Variants in GRM8 observed in about 807,000 individuals in gnomAD.
GRM8 encodes glutamate metabotropic receptor 8, also known as metabotropic glutamate receptor 8.
A neutral mutation model predicts 87.2 loss-of-function variants in GRM8; 47 were observed. The observed-to-expected ratio is 0.54, with a 90% CI of 0.43 to 0.69. The LOEUF (loss-of-function observed/expected upper bound fraction) is 0.69. GRM8 is among the 30% of genes least tolerant of loss of function. The pLI is 0.00. For missense variants in GRM8, 1,019 were observed against 1,139.2 expected (o/e 0.89, Z 1.52); for synonymous variants, 396 against 404.5 (o/e 0.98, Z 0.25).
intron 7 of GRM8, among the ~76,000 whole-genome samples, chr7:126,706,385 G>A (rs953347932): frequency 1.3e-5 from 2 of 152,096 alleles, no homozygotes; most frequent in African/African-American, 4.8e-5. Context: ...CAGTAAGTTT[G>A]AGTCTCAGGA....
chr7:126,802,167 G>T (rs898652948), intron 6 of GRM8, among the ~76,000 whole-genome samples: 1 of 152,166 alleles, frequency 6.6e-6, no homozygotes, highest in African/African-American at 2.4e-5. Flanking sequence ...CCTCACATAT[G>T]TATGTCTTTT....
At chr7:126,758,859 A>AT (rs1563158855) in intron 7 of GRM8, among the ~76,000 whole-genome samples, 3 of 151,810 alleles carry the variant, frequency 2.0e-5, no homozygotes, top group African/African-American at 7.3e-5. Context: ...ATTTAAAGGA[A>AT]TTTTTTCATT....
At chr7:127,071,426 C>T (rs886433212) in intron 3 of GRM8, among the ~76,000 whole-genome samples, 2 of 152,208 alleles carry the variant, frequency 1.3e-5, no homozygotes, top group African/African-American at 4.8e-5. Flanking sequence ...AAGACCACCT[C>T]ACCCTGCCTT....
intron 2 of GRM8, among the ~76,000 whole-genome samples, chr7:127,208,500 G>A (rs895480723): frequency 6.6e-6 from 1 of 152,162 alleles, no homozygotes; most frequent in African/African-American, 2.4e-5. Context: ...AAGATCTTGT[G>A]ATTTTTCCAT....
rs558767306 is a variant in GRM8, at chr7:127,003,754, G to C, written c.728-99071C>G. ...TTTGAAAATGACCAATCCAGCATGA[G>C]CCAGCATGGGTCAGCATAGGATACA... On this transcript the variant is annotated intron_variant, in intron 3 of 10. Coordinates refer to ENST00000339582, the MANE Select transcript of GRM8 (RefSeq NM_000845.3). 4.0e-5 allele frequency among the ~76,000 whole-genome samples: 6 copies of C among 151,790 alleles called. No individual in the cohort carries two copies. The South Asian group carries it at 1.2e-3, about 32-fold the overall frequency.
intron 2 of GRM8, among the ~76,000 whole-genome samples, chr7:127,202,799 T>C (rs1795686460): frequency 6.6e-6 from 1 of 152,230 alleles, no homozygotes; most frequent in Non-Finnish European, 1.5e-5. Context: ...CCTCTTTAAA[T>C]ATGCCGGTTT....
At chr7:126,608,359 C>T (rs1426740387) in intron 8 of GRM8, among the ~76,000 whole-genome samples, 2 of 152,174 alleles carry the variant, frequency 1.3e-5, no homozygotes, top group African/African-American at 2.4e-5. Flanking sequence ...ACTGCCATCC[C>T]CACGTGCTAA....
intron 9 of GRM8, among the ~76,000 whole-genome samples, chr7:126,495,013 A>G (rs922456631): frequency 6.6e-6 from 1 of 152,096 alleles, no homozygotes; most frequent in African/African-American, 2.4e-5. Context: ...TTAAAAATCA[A>G]TTAAACAAAT....
intron 7 of GRM8, among the ~76,000 whole-genome samples, chr7:126,743,372 T>G (rs1815236911): frequency 6.6e-6 from 1 of 152,144 alleles, no homozygotes; most frequent in Non-Finnish European, 1.5e-5. Flanking sequence ...GAACACAGAT[T>G]GATTTTCAGT....
chr7:126,530,636 G>A (rs1039711041), intron 9 of GRM8, among the ~76,000 whole-genome samples: 1 of 152,172 alleles, frequency 6.6e-6, no homozygotes, highest in Non-Finnish European at 1.5e-5. Context: ...TGATAACATG[G>A]GGCTGATTGT....
At chr7:126,954,622 C>T (rs1479348589) in intron 3 of GRM8, among the ~76,000 whole-genome samples, 2 of 152,126 alleles carry the variant, frequency 1.3e-5, no homozygotes, top group Non-Finnish European at 2.9e-5. Context: ...AGATTCATTA[C>T]TTTCTAACTG....
At chr7:127,174,215 C>A (rs1405872776) in intron 2 of GRM8, among the ~76,000 whole-genome samples, 1 of 152,138 alleles carries the variant, frequency 6.6e-6, no homozygotes, top group East Asian at 1.9e-4. Flanking sequence ...ACTGTCATAA[C>A]TGAACAGGGA....
chr7:126,933,568 A>G (rs1300059809), intron 3 of GRM8, among the ~76,000 whole-genome samples: 2 of 152,210 alleles, frequency 1.3e-5, no homozygotes, highest in African/African-American at 2.4e-5. Context: ...TTATAGGTCA[A>G]TAACTCTGGA....
chr7:126,490,243 T>C (rs549255552), intron 9 of GRM8, among the ~76,000 whole-genome samples: 1 of 152,066 alleles, frequency 6.6e-6, no homozygotes, highest in Non-Finnish European at 1.5e-5. Context: ...TTCATCTTTC[T>C]CCTCTTATCC....
At chr7:126,829,160 G>T (rs1017636139) in intron 6 of GRM8, among the ~76,000 whole-genome samples, 6 of 150,154 alleles carry the variant, frequency 4.0e-5, no homozygotes, top group Non-Finnish European at 7.4e-5. Flanking sequence ...GTGTGATGCT[G>T]AAAAAAATGT....
intron 9 of GRM8, among the ~76,000 whole-genome samples, chr7:126,475,774 A>G (rs925235879): frequency 3.3e-5 from 5 of 152,290 alleles, no homozygotes; most frequent in African/African-American, 9.6e-5. Flanking sequence ...AGACTTATAG[A>G]CCAATGGAAC....
chr7:126,440,345 A>C (rs1381222933), intron 10 of GRM8, among the ~76,000 whole-genome samples: 7 of 135,138 alleles, frequency 5.2e-5, no homozygotes, highest in Non-Finnish European at 7.6e-5. Flanking sequence ...CGAGAGGCAG[A>C]GGTTCCAGTG....
chr7:127,231,224 A>G (rs964930216), intron 2 of GRM8, among the ~76,000 whole-genome samples: 1 of 151,952 alleles, frequency 6.6e-6, no homozygotes, highest in Non-Finnish European at 1.5e-5. Context: ...CATCTCTTAC[A>G]CTATTCTACT....
chr7:126,455,337 C>T (rs975976182), intron 9 of GRM8, among the ~76,000 whole-genome samples: 14 of 151,292 alleles, frequency 9.3e-5, no homozygotes, highest in Admixed American at 8.6e-4. Flanking sequence ...CACCATCTGG[C>T]CCCCATAAAT....
Sources: allele counts gnomAD v4.1 joint callset (sites outside exome capture counted in the v4.1 genomes callset), GRCh38; gene constraint gnomAD v4.1.1; transcripts MANE v1.5; gene names NCBI Gene and HGNC (gene_info 2026-07-23, HGNC 2026-07-21).